The following SPON1 variants were observed in gnomAD, a reference collection of about 807,000 sequenced individuals.
The protein encoded by SPON1 is spondin 1, also known as spondin-1.
In SPON1, 52 loss-of-function variants were observed where a neutral mutation model predicts 111.7. That is an observed-to-expected ratio of 0.47 (90% CI 0.37 to 0.59). The LOEUF (loss-of-function observed/expected upper bound fraction) is 0.59. Among genes scored for constraint, SPON1 ranks in the 20% least tolerant of loss-of-function variants. The pLI, the probability that SPON1 is intolerant of heterozygous loss-of-function variation, is 0.00. For missense variants in SPON1, 957 were observed against 1,068.5 expected, an observed-to-expected ratio of 0.90 and a Z score of 1.46; for synonymous variants, 410 against 395.8, an observed-to-expected ratio of 1.04 and a Z score of -0.43.
intron 5 of SPON1, among the ~76,000 whole-genome samples, chr11:14,105,913 A>G (rs1849181201): frequency 6.6e-6 from 1 of 152,164 alleles, no homozygotes; most frequent in Non-Finnish European, 1.5e-5. Context: ...CTTTCCTTAT[A>G]TCTATCAAGG....
At chr11:13,966,480 G>A (rs1183617840) in intron 1 of SPON1, among the ~76,000 whole-genome samples, 1 of 152,154 alleles carries the variant, frequency 6.6e-6, no homozygotes, top group African/African-American at 2.4e-5. Context: ...TGTTTATTAG[G>A]AAAATAAAGT....
Position 14,026,821 on chromosome 11 carries a change from C to T in SPON1, c.346-14700C>T, listed in dbSNP as rs113239913. Among the ~76,000 whole-genome samples, 198 of 152,288 alleles carry T rather than the reference C, an allele frequency of 1.3e-3. 1 individual carries two copies. The highest frequency in any genetic ancestry group is 4.6e-3 in the African/African-American group (193 of 41,564). ...GTTTTAAAGGGATTATATTATTTCT[C>T]CTGCCTGTGAGGTTACCCCAACTTG... On this transcript the variant is annotated intron_variant, in intron 2 of 15. Transcript: ENST00000576479.
At chr11:14,167,411 G>A (rs78585724) in intron 6 of SPON1, among the ~76,000 whole-genome samples, 12,445 of 152,040 alleles carry the variant, frequency 0.082, 666 homozygotes, top group East Asian at 0.18. Context: ...TCTTTACTCA[G>A]ATAGGAAACT....
At chr11:14,162,101 C>A (rs545006708) in intron 6 of SPON1, among the ~76,000 whole-genome samples, 1 of 146,708 alleles carries the variant, frequency 6.8e-6, no homozygotes, top group Admixed American at 7.0e-5. Context: ...GAGGTTGCAG[C>A]GAGCTGAGAT....
At chr11:14,209,382 G>A (rs1163464664) in intron 6 of SPON1, among the ~76,000 whole-genome samples, 4 of 152,108 alleles carry the variant, frequency 2.6e-5, no homozygotes, top group African/African-American at 9.7e-5. Context: ...ATCTACATTA[G>A]GTATTTCTCC....
At chr11:14,209,344 G>A (rs1323233606) in intron 6 of SPON1, among the ~76,000 whole-genome samples, 4 of 152,010 alleles carry the variant, frequency 2.6e-5, no homozygotes, top group African/African-American at 9.7e-5. Flanking sequence ...CATGTGCCAT[G>A]GCGGTTTGCT....
intron 5 of SPON1, among the ~76,000 whole-genome samples, chr11:14,113,471 T>G (rs1554925634): frequency 6.6e-6 from 1 of 152,040 alleles, no homozygotes; most frequent in Non-Finnish European, 1.5e-5. Context: ...CTCCTTCGCT[T>G]CTTAGCCCTA....
intron 3 of SPON1, among the ~76,000 whole-genome samples, chr11:14,043,876 A>C (rs1367261969): frequency 6.6e-6 from 1 of 152,250 alleles, no homozygotes. Context: ...AACAAATGCA[A>C]CTGAGCTTCT....
chr11:14,211,829 G>C (rs945231160), intron 6 of SPON1, among the ~76,000 whole-genome samples: 1 of 151,912 alleles, frequency 6.6e-6, no homozygotes, highest in Non-Finnish European at 1.5e-5. Flanking sequence ...CAAATTCTTT[G>C]TAAATATTTT....
intron 5 of SPON1, among the ~76,000 whole-genome samples, chr11:14,134,602 A>G (rs1333345024): frequency 6.6e-6 from 1 of 152,236 alleles, no homozygotes; most frequent in African/African-American, 2.4e-5. Flanking sequence ...AAATGTACAT[A>G]GAAGTCAGCT....
intron 5 of SPON1, among the ~76,000 whole-genome samples, chr11:14,113,365 A>AT (rs782309671): frequency 1.3e-5 from 2 of 152,054 alleles, no homozygotes; most frequent in African/African-American, 2.4e-5. Flanking sequence ...TTTCATCCTG[A>AT]TTATTGCCTT....
intron 6 of SPON1, among the ~76,000 whole-genome samples, chr11:14,151,389 G>A (rs533750420): frequency 6.6e-6 from 1 of 152,284 alleles, no homozygotes; most frequent in Non-Finnish European, 1.5e-5. Flanking sequence ...TTAAATACCA[G>A]GCTGGAGAGA....
At chr11:14,123,600 G>A (rs1554926737) in intron 5 of SPON1, among the ~76,000 whole-genome samples, 3 of 152,158 alleles carry the variant, frequency 2.0e-5, no homozygotes, top group African/African-American at 7.2e-5. Flanking sequence ...CTTGTAAAGT[G>A]TCACCCTGCA....
intron 6 of SPON1, among the ~76,000 whole-genome samples, chr11:14,137,975 G>T (rs923814019): frequency 6.6e-6 from 1 of 152,050 alleles, no homozygotes; most frequent in African/African-American, 2.4e-5. Context: ...TTATTTTTTT[G>T]TAAGTCAGGT....
chr11:14,180,952 G>A (rs1848230484), intron 6 of SPON1, among the ~76,000 whole-genome samples: 1 of 152,166 alleles, frequency 6.6e-6, no homozygotes, highest in Non-Finnish European at 1.5e-5. Context: ...CTTTCCTGGT[G>A]AAATAAACTT....
intron 2 of SPON1, among the ~76,000 whole-genome samples, chr11:13,986,528 G>A (rs1349017634): frequency 6.6e-6 from 1 of 151,092 alleles, no homozygotes; most frequent in Non-Finnish European, 1.5e-5. Flanking sequence ...CTCTCTTCTT[G>A]CTACTTTGAA....
At chr11:14,151,990 C>T (rs1454539670) in intron 6 of SPON1, among the ~76,000 whole-genome samples, 1 of 152,184 alleles carries the variant, frequency 6.6e-6, no homozygotes, top group African/African-American at 2.4e-5. Flanking sequence ...CTTCCAAATG[C>T]ATGTCATTTC....
chr11:14,098,117 T>TC (rs1411723759), intron 5 of SPON1, among the ~76,000 whole-genome samples: 1 of 152,184 alleles, frequency 6.6e-6, no homozygotes, highest in Non-Finnish European at 1.5e-5. Flanking sequence ...TGCCTCAGCC[T>TC]CCCCACTAGC....
chr11:14,070,565 C>T (rs1435152905), intron 3 of SPON1, among the ~76,000 whole-genome samples: 1 of 152,166 alleles, frequency 6.6e-6, no homozygotes, highest in Non-Finnish European at 1.5e-5. Flanking sequence ...TTACCGTGTG[C>T]AACACACCAC....
Sources: allele counts gnomAD v4.1 joint callset (sites outside exome capture counted in the v4.1 genomes callset), GRCh38; gene constraint gnomAD v4.1.1; transcripts MANE v1.5; gene names NCBI Gene and HGNC (gene_info 2026-07-23, HGNC 2026-07-21).